Variants in UGT1A4 observed in about 807,000 individuals in gnomAD.
UGT1A4 encodes the protein UDP-glucuronosyltransferase 1A4.
In UGT1A4, 32 loss-of-function variants were observed where a neutral mutation model predicts 41.1. That is an observed-to-expected ratio of 0.78 (90% CI 0.59 to 1.05). UGT1A4 has a LOEUF of 1.05. Ranked by LOEUF, UGT1A4 falls within the 50% of genes least tolerant of loss-of-function variation. The pLI, the probability that UGT1A4 is intolerant of heterozygous loss-of-function variation, is 0.00. For synonymous variants in UGT1A4, 283 were observed against 265.1 expected, an observed-to-expected ratio of 1.07 and a Z score of -0.66; for missense variants, 748 against 677.4, an observed-to-expected ratio of 1.10 and a Z score of -1.16.
chr2:233,727,408 C>T (rs1347746935), intron 1 of UGT1A4, among the ~76,000 whole-genome samples: 2 of 152,116 alleles, frequency 1.3e-5, no homozygotes, highest in Non-Finnish European at 2.9e-5. Flanking sequence ...ACATGGGCCT[C>T]CTCAGGGTCT....
chr2:233,747,437 C>A, intron 1 of UGT1A4: 2 of 1,608,846 alleles, frequency 1.2e-6, no homozygotes, highest in Non-Finnish European at 1.7e-6. Flanking sequence ...AGAAATTTTT[C>A]ACCCTGACAA....
chr2:233,744,339 T>G (rs368123082), intron 1 of UGT1A4, among the ~76,000 whole-genome samples: 1 of 151,880 alleles, frequency 6.6e-6, no homozygotes, highest in African/African-American at 2.4e-5. Context: ...TTAGTCTGAC[T>G]GGGGCTGAAG....
chr2:233,753,016 T>C (rs1233193330), intron 1 of UGT1A4, among the ~76,000 whole-genome samples: 2 of 152,164 alleles, frequency 1.3e-5, no homozygotes, highest in Admixed American at 1.3e-4. Flanking sequence ...AGAGTGGTGA[T>C]TTACAACACA....
At chr2:233,727,938 C>T (rs2077667828) in intron 1 of UGT1A4, among the ~76,000 whole-genome samples, 1 of 152,196 alleles carries the variant, frequency 6.6e-6, no homozygotes. Flanking sequence ...AGTGCACACC[C>T]CAGACAGCCT....
intron 1 of UGT1A4, among the ~76,000 whole-genome samples, chr2:233,765,914 G>T (rs914131735): frequency 6.6e-6 from 1 of 152,098 alleles, no homozygotes; most frequent in Admixed American, 6.5e-5. Flanking sequence ...CTCTAGGGGA[G>T]CATACAGACG....
chr2:233,734,419 T>C (rs2078523493), intron 1 of UGT1A4, among the ~76,000 whole-genome samples: 1 of 152,186 alleles, frequency 6.6e-6, no homozygotes, highest in African/African-American at 2.4e-5. Flanking sequence ...CTCTCTTTTC[T>C]TCTTTATTAG....
intron 1 of UGT1A4, chr2:233,753,671 C>T (rs1245281633): frequency 2.0e-5 from 3 of 152,212 alleles, no homozygotes; most frequent in Admixed American, 6.5e-5. Flanking sequence ...GTGTATGGTG[C>T]CTCACCCAAA....
intron 1 of UGT1A4, chr2:233,754,666 T>C (rs1311893817): frequency 2.1e-6 from 1 of 466,882 alleles, no homozygotes. Context: ...TTGGTGGTGA[T>C]TTTTTTACCA....
chr2:233,732,212 T>G (rs2078250632), intron 1 of UGT1A4, among the ~76,000 whole-genome samples: 1 of 152,238 alleles, frequency 6.6e-6, no homozygotes. Flanking sequence ...ATGGGTAGAT[T>G]GCAAAAATTT....
At chr2:233,740,942 A>G (rs1313081158) in intron 1 of UGT1A4, 4 of 151,462 alleles carry the variant, frequency 2.6e-5, no homozygotes, top group African/African-American at 4.9e-5. Context: ...TTTTTTAATT[A>G]GCTAGGTGTG....
chr2:233,730,856 C>T (rs1409792373), intron 1 of UGT1A4, among the ~76,000 whole-genome samples: 1 of 152,142 alleles, frequency 6.6e-6, no homozygotes, highest in Non-Finnish European at 1.5e-5. Flanking sequence ...TCACCAAACC[C>T]ACCCTACTGC....
At chr2:233,751,274 C>T (rs1450927418) in intron 1 of UGT1A4, among the ~76,000 whole-genome samples, 1 of 151,812 alleles carries the variant, frequency 6.6e-6, no homozygotes, top group African/African-American at 2.4e-5. Flanking sequence ...CTTTTTTTGG[C>T]CAGTTTCTCC....
At chr2:233,734,933 A>T (rs1236153651) in intron 1 of UGT1A4, among the ~76,000 whole-genome samples, 3 of 152,196 alleles carry the variant, frequency 2.0e-5, no homozygotes, top group Non-Finnish European at 4.4e-5. Context: ...TTTACTTACA[A>T]TCATATGGTC....
At chr2:233,749,358 A>G (rs1263480064) in intron 1 of UGT1A4, among the ~76,000 whole-genome samples, 1 of 151,706 alleles carries the variant, frequency 6.6e-6, no homozygotes, top group Non-Finnish European at 1.5e-5. Context: ...TTAAATAGTG[A>G]CTCTTGCCCT....
chr2:233,743,981 G>T, intron 1 of UGT1A4: 1 of 1,297,886 alleles, frequency 7.7e-7, no homozygotes, highest in Non-Finnish European at 1.0e-6. Flanking sequence ...CAGCACCCAG[G>T]CGCAGGCCCG....
At chr2:233,727,764 G>T (rs117456176) in intron 1 of UGT1A4, among the ~76,000 whole-genome samples, 2 of 152,186 alleles carry the variant, frequency 1.3e-5, no homozygotes, top group Non-Finnish European at 2.9e-5. Flanking sequence ...CTTGAGCTGG[G>T]TGTCCCCCAG....
In UGT1A4 at chr2:233,769,413, T is replaced by A; in HGVS notation, c.1307+974T>A. 1 of 1,369,868 alleles carries A rather than the reference T, an allele frequency of 7.3e-7. No homozygotes were observed. Among genetic ancestry groups the A allele is most frequent in the Non-Finnish European group, 1.0e-6 (1 of 976,294 alleles). 84.9% of individuals were successfully genotyped at this position (1,369,868 alleles called of 1,614,324 possible). Reference sequence around the variant, plus strand: ...ACTGTGTGCATATGTGCGTGTGCGTTTGTGCATGTGGCTGTGCTCATGTGT... The same window carrying A: ...ACTGTGTGCATATGTGCGTGTGCGTATGTGCATGTGGCTGTGCTCATGTGT... On this transcript the variant is annotated intron_variant, in intron 4 of 4. Coordinates refer to ENST00000373409, the MANE Select transcript of UGT1A4 (RefSeq NM_007120.3). The surrounding 1 kb of genome is among the most constrained non-coding windows in gnomAD (Gnocchi z 4.4).
rs760907397 is a variant in UGT1A4 at position 233,761,080 on chromosome 2, C to G, written c.868-5954C>G. 1.2e-6 allele frequency: 2 copies of G among 1,614,034 alleles called. No individual in the cohort carries two copies. The highest frequency in any genetic ancestry group is 1.7e-6 in the Non-Finnish European group (2 of 1,180,026). On this transcript the variant is annotated intron_variant, in intron 1 of 4. Coordinates refer to ENST00000373409, the MANE Select transcript of UGT1A4 (RefSeq NM_007120.3). Reference sequence around the variant, plus strand: ...TAGAAGTGACTTTGTGAAGGATTACCCTAGGCCCATCATGCCCAATATGGT... The same window carrying G: ...TAGAAGTGACTTTGTGAAGGATTACGCTAGGCCCATCATGCCCAATATGGT...
At chr2:233,736,129 C>T (rs1342525858) in intron 1 of UGT1A4, among the ~76,000 whole-genome samples, 3 of 152,224 alleles carry the variant, frequency 2.0e-5, no homozygotes, top group South Asian at 2.1e-4. Flanking sequence ...CCATTCTCCG[C>T]ATCACTTTCA....
Sources: allele counts gnomAD v4.1 joint callset (sites outside exome capture counted in the v4.1 genomes callset), GRCh38; gene constraint gnomAD v4.1.1; non-coding constraint Gnocchi (gnomAD v3.1); transcripts MANE v1.5; gene names NCBI Gene and HGNC (gene_info 2026-07-23, HGNC 2026-07-21).